Variants in KCNQ5 observed in about 807,000 individuals in gnomAD.
KCNQ5 encodes potassium voltage-gated channel subfamily KQT member 5.
KCNQ5 carries 30 observed loss-of-function variants against 98.2 expected under a neutral mutation model. The observed-to-expected ratio is 0.31, with a 90% CI of 0.23 to 0.41. KCNQ5 has a LOEUF of 0.41. Among genes scored for constraint, KCNQ5 ranks in the 10% least tolerant of loss-of-function variants. The pLI, the probability that KCNQ5 is intolerant of heterozygous loss-of-function variation, is 1.00. For synonymous variants in KCNQ5, 458 were observed against 449.4 expected (o/e 1.02, Z -0.24); for missense variants, 835 against 1,182.5 (o/e 0.71, Z 4.31).
intron 10 of KCNQ5, among the ~76,000 whole-genome samples, chr6:73,145,915 G>A (rs1027936209): frequency 4.6e-5 from 7 of 152,164 alleles, no homozygotes; most frequent in Admixed American, 2.0e-4. Flanking sequence ...TTACGTGGTA[G>A]CAGAAGAGAA....
chr6:73,024,370 AGATAGATAGAT>A (rs1175097729), intron 2 of KCNQ5, among the ~76,000 whole-genome samples: 1 of 68,264 alleles, frequency 1.5e-5, no homozygotes, highest in African/African-American at 5.4e-5. Context: ...AGCGATAGAT[AGATAGATAGAT>A]GATAGATAGA....
In KCNQ5 at chr6:73,034,167, TCTGA is replaced by T. The variant is rs1282841445; in HGVS notation, c.490-7764_490-7761del. ...TACATAGAATTATAACTGCAACTCT[TCTGA>T]CTGATGCCTTTTTTTTGCATTTTAT... is the stretch of plus-strand genomic sequence containing the variant. On this transcript the variant is annotated intron_variant, in intron 2 of 13. Coordinates refer to ENST00000370398, the MANE Select transcript of KCNQ5 (RefSeq NM_019842.4). 2.6e-5 allele frequency among the ~76,000 whole-genome samples: 4 copies of T among 152,368 alleles called. No homozygotes were observed. The East Asian group carries it at 7.7e-4, about 29-fold the overall frequency.
At chr6:73,024,873 C>T (rs960183677) in intron 2 of KCNQ5, among the ~76,000 whole-genome samples, 5 of 152,366 alleles carry the variant, frequency 3.3e-5, no homozygotes, top group Middle Eastern at 3.4e-3. Flanking sequence ...AGTCATCCCA[C>T]TGCCCACCTT....
intron 1 of KCNQ5, among the ~76,000 whole-genome samples, chr6:72,924,424 C>T (rs1330823036): frequency 6.6e-6 from 1 of 152,116 alleles, no homozygotes; most frequent in Non-Finnish European, 1.5e-5. Flanking sequence ...ACTTAGAGGT[C>T]GTCACCTCAC....
intron 10 of KCNQ5, among the ~76,000 whole-genome samples, chr6:73,147,810 A>G (rs1776984313): frequency 6.6e-6 from 1 of 152,172 alleles, no homozygotes; most frequent in Non-Finnish European, 1.5e-5. Flanking sequence ...GAGAGGCATC[A>G]CAGAGGCAAA....
At chr6:72,817,127 T>C (rs1261216242) in intron 1 of KCNQ5, among the ~76,000 whole-genome samples, 1 of 152,216 alleles carries the variant, frequency 6.6e-6, no homozygotes, top group African/African-American at 2.4e-5. Context: ...CAAGAAGGGA[T>C]ATATGGAAGA....
intron 1 of KCNQ5, among the ~76,000 whole-genome samples, chr6:72,735,949 G>T (rs1347505950): frequency 2.6e-5 from 4 of 151,874 alleles, no homozygotes; most frequent in Non-Finnish European, 4.4e-5. Flanking sequence ...AAATTTTTAT[G>T]GCAGAATGTG....
At chr6:72,891,125 A>C (rs1464227862) in intron 1 of KCNQ5, among the ~76,000 whole-genome samples, 2 of 152,228 alleles carry the variant, frequency 1.3e-5, no homozygotes, top group African/African-American at 4.8e-5. Flanking sequence ...TACTTTGAAA[A>C]GCAAGTGTCC....
chr6:73,160,939 T>A (rs1777596494), intron 10 of KCNQ5, among the ~76,000 whole-genome samples: 1 of 152,168 alleles, frequency 6.6e-6, no homozygotes, highest in Admixed American at 6.5e-5. Flanking sequence ...CCCACTGTAA[T>A]CATTTCATCA....
At chr6:72,924,449 TA>T (rs1780536806) in intron 1 of KCNQ5, among the ~76,000 whole-genome samples, 1 of 152,154 alleles carries the variant, frequency 6.6e-6, no homozygotes, top group South Asian at 2.1e-4. Flanking sequence ...AAGACTAAGA[TA>T]AAAGCGCCTC....
intron 10 of KCNQ5, among the ~76,000 whole-genome samples, chr6:73,155,473 T>C (rs6453644): frequency 0.73 from 110,525 of 152,120 alleles, 41,221 homozygotes; most frequent in East Asian, 0.89. Flanking sequence ...ATGATGATGA[T>C]GCTTGAACAG....
chr6:72,695,030 G>A (rs557556263), intron 1 of KCNQ5, among the ~76,000 whole-genome samples: 1 of 152,222 alleles, frequency 6.6e-6, no homozygotes, highest in Middle Eastern at 3.4e-3. Context: ...TTGCTGCAAA[G>A]GATATGGTTT....
chr6:72,841,500 T>A (rs142175492), intron 1 of KCNQ5, among the ~76,000 whole-genome samples: 36 of 152,190 alleles, frequency 2.4e-4, no homozygotes, highest in African/African-American at 6.7e-4. Context: ...AAAATAAATT[T>A]AAAAAAATGC....
chr6:72,704,410 T>C (rs1768970623), intron 1 of KCNQ5, among the ~76,000 whole-genome samples: 1 of 152,110 alleles, frequency 6.6e-6, no homozygotes, highest in Admixed American at 6.6e-5. Flanking sequence ...GGGTTTTTTT[T>C]TCCCAATTTC....
chr6:73,123,677 CA>C (rs1775835204), intron 8 of KCNQ5, among the ~76,000 whole-genome samples: 1 of 152,114 alleles, frequency 6.6e-6, no homozygotes, highest in Admixed American at 6.5e-5. Context: ...AGTGAAGCTG[CA>C]AAGGGCAAAA....
intron 1 of KCNQ5, among the ~76,000 whole-genome samples, chr6:72,821,959 C>T (rs1235383911): frequency 1.3e-5 from 2 of 152,100 alleles, no homozygotes; most frequent in African/African-American, 2.4e-5. Flanking sequence ...CTGATCACAG[C>T]CCCTGAACGG....
chr6:73,122,073 G>A (rs933685068), intron 8 of KCNQ5, among the ~76,000 whole-genome samples: 1 of 152,140 alleles, frequency 6.6e-6, no homozygotes, highest in Non-Finnish European at 1.5e-5. Flanking sequence ...TTTTTATGGA[G>A]TTTAAGACCC....
At chr6:72,623,391 A>AGT (rs1214797915) in intron 1 of KCNQ5, among the ~76,000 whole-genome samples, 4,897 of 143,058 alleles carry the variant, frequency 0.034, 93 homozygotes, top group Middle Eastern at 0.043. Flanking sequence ...GGAGTCAAAG[A>AGT]GTGTGTGTGT....
chr6:72,961,392 C>A (rs948689008), intron 1 of KCNQ5, among the ~76,000 whole-genome samples: 2 of 151,700 alleles, frequency 1.3e-5, no homozygotes, highest in Non-Finnish European at 1.5e-5. Context: ...CGAAGGCGGG[C>A]GGATCACGAG....
Sources: gnomAD v4.1 joint callset for allele counts (sites outside exome capture counted in the v4.1 genomes callset) on GRCh38, gnomAD v4.1.1 for gene constraint, MANE v1.5 for transcripts, NCBI Gene and HGNC (gene_info 2026-07-23, HGNC 2026-07-21) for gene names.